Variants in TNFAIP3 observed in about 807,000 individuals in gnomAD.
TNFAIP3 encodes TNF alpha induced protein 3.
In TNFAIP3, 9 loss-of-function variants were observed where a neutral mutation model predicts 72.4. The ratio of observed to expected loss-of-function variants is 0.12; its 90% CI spans 0.07 to 0.22. The LOEUF (loss-of-function observed/expected upper bound fraction) is 0.22. Among genes scored for constraint, TNFAIP3 ranks in the 10% least tolerant of loss-of-function variants. The probability of loss-of-function intolerance (pLI) is 1.00; values close to 1 mark genes in which losing one functional copy is unlikely to be tolerated. For synonymous variants in TNFAIP3, 339 were observed against 372.6 expected, an observed-to-expected ratio of 0.91 and a Z score of 1.04; for missense variants, 833 against 1,018.7, an observed-to-expected ratio of 0.82 and a Z score of 2.48.
chr6:137,870,796 T>C (rs1776032757), intron 1 of TNFAIP3, among the ~76,000 whole-genome samples: 1 of 152,126 alleles, frequency 6.6e-6, no homozygotes, highest in South Asian at 2.1e-4. Flanking sequence ...CAGGGCTACT[T>C]TGAGCCCTTA....
At position 137,875,784 on chromosome 6, in the gene TNFAIP3, C is replaced by T; in HGVS notation, c.583C>T (p.His195Tyr). 2 of 1,614,160 alleles carry T rather than the reference C, an allele frequency of 1.2e-6. No individual in the cohort carries two copies. Among genetic ancestry groups the T allele is most frequent in the Non-Finnish European group, 1.7e-6 (2 of 1,180,020 alleles). Reference protein sequence around the residue: ...GLQYNSLEEIHIFVLCNILRR... With the variant: ...GLQYNSLEEIYIFVLCNILRR... ...TCAGTACAACTCACTGGAAGAAATACACATATTTGTCCTTTGCAACATCCT... is the reference window on the plus strand; with the variant it reads ...TCAGTACAACTCACTGGAAGAAATATACATATTTGTCCTTTGCAACATCCT... Residue 195 changes from histidine to tyrosine, a missense_variant, in exon 4 of 9, where the codon CAC (histidine) becomes TAC (tyrosine). This residue lies in a region of TNFAIP3 where 246 missense variants were observed against 360.9 expected (regional missense o/e 0.68). Transcript: ENST00000612899.
rs1776354654 is a variant in TNFAIP3, at chr6:137,879,123, C to T, written c.1678C>T (p.His560Tyr). The change falls in exon 7 of 9, where the codon CAC (histidine) becomes TAC (tyrosine). Residue 560 changes from histidine to tyrosine, a missense_variant. His to Tyr is a moderately conservative substitution (Grantham distance 83). This residue lies in a region of TNFAIP3 where 587 missense variants were observed against 657.8 expected (regional missense o/e 0.89). Coordinates refer to ENST00000612899, the MANE Select transcript of TNFAIP3 (RefSeq NM_001270508.2). Reference protein sequence around the residue: ...SLSTSLPPSCHQRSKSDPSRL... With the variant: ...SLSTSLPPSCYQRSKSDPSRL... ...CAGCACCAGCCTCCCTCCTTCCTGTCACCAGCGTTCCAAGTCAGATCCCTC... is the reference window on the plus strand; with the variant it reads ...CAGCACCAGCCTCCCTCCTTCCTGTTACCAGCGTTCCAAGTCAGATCCCTC... The T allele has an allele frequency of 1.2e-6, 2 of 1,614,176 alleles. No individual in the cohort carries two copies. The highest frequency in any genetic ancestry group is 1.7e-6 in the Non-Finnish European group (2 of 1,180,032).
intron 6 of TNFAIP3, 148 bp downstream of exon 6, chr6:137,877,404 T>A: frequency 1.7e-6 from 1 of 590,386 alleles, no homozygotes; most frequent in Non-Finnish European, 2.8e-6. Flanking sequence ...GTCTTGTGCA[T>A]GGTTAGAGAG....
chr6:137,872,056 C>T (rs1776081562), intron 2 of TNFAIP3, among the ~76,000 whole-genome samples: 2 of 152,186 alleles, frequency 1.3e-5, no homozygotes. Flanking sequence ...GACCTAGGTT[C>T]TATTGCCTAT....
rs766489165 is a variant in TNFAIP3 at position 137,867,979 on chromosome 6, G to C, written c.-16+437G>C. 6.5e-6 allele frequency: 1 copy of C among 152,814 alleles called. No individual in the cohort carries two copies. Among genetic ancestry groups the C allele is most frequent in the African/African-American group, 2.4e-5 (1 of 41,414 alleles). The allele number at this position is 152,814 out of a possible 1,614,324, so 9.5% of individuals were successfully genotyped here. On this transcript the variant is annotated intron_variant, in intron 1 of 8. Transcript: ENST00000612899. The surrounding 1 kb of genome is among the most constrained non-coding windows in gnomAD (Gnocchi z 6.0). ...CAGGACCAGCCCGACGGGGCGTAGG[G>C]TACCGCAGTGGCCGCCAGCCCGGCG...
Position 137,882,925 on chromosome 6 carries a change from G to A in TNFAIP3, c.*1606G>A, listed in dbSNP as rs1776509602. The A allele has an allele frequency of 8.8e-6, 2 of 226,630 alleles. No homozygotes were observed. The highest frequency in any genetic ancestry group is 1.1e-4 in the Admixed American group (2 of 17,526). The allele number at this position is 226,630 out of a possible 1,614,324, so 14.0% of individuals were successfully genotyped here. On this transcript the variant is annotated 3_prime_UTR_variant, in exon 9 of 9. Transcript: ENST00000612899. ...CAGAGATAAAGGCTGCCATTTTGGGGGTCTGTACTTATGGCCTGAAAATAT... is the reference window on the plus strand; with the variant it reads ...CAGAGATAAAGGCTGCCATTTTGGGAGTCTGTACTTATGGCCTGAAAATAT...
chr6:137,879,191 T>G lies in TNFAIP3; in HGVS notation c.1746T>G (p.Ala582=). 1.9e-6 allele frequency: 3 copies of G among 1,614,080 alleles called. No homozygotes were observed. Among genetic ancestry groups the G allele is most frequent in the Non-Finnish European group, 2.5e-6 (3 of 1,180,014 alleles). ...RSPSPHSCHR[A]GNDAPAGCLS... ...CCTCCCCGCATTCTTGCCACAGAGC[T>G]GGAAACGACGCCCCTGCTGGCTGCC... The change falls in exon 7 of 9, where the codon GCT becomes GCG. Residue 582 remains alanine (A), a synonymous_variant. Transcript: ENST00000612899.
intron 5 of TNFAIP3, 48 bp from the exon 6 acceptor site, chr6:137,877,028 C>G (rs1229423796): frequency 7.2e-7 from 1 of 1,385,830 alleles, no homozygotes; most frequent in East Asian, 2.4e-5. Context: ...TACCTATGGC[C>G]TTGTTTAGTA....
At chr6:137,868,981 TAA>T (rs2307860) in intron 1 of TNFAIP3, among the ~76,000 whole-genome samples, 77,921 of 151,944 alleles carry the variant, frequency 0.51, 23,539 homozygotes, top group East Asian at 0.85. Flanking sequence ...AAGAGAAAAA[TAA>T]AAGAGTCAGG....
intron 3 of TNFAIP3, among the ~76,000 whole-genome samples, 187 bp downstream of exon 3, chr6:137,875,222 T>C (rs780620064): frequency 6.6e-6 from 1 of 152,186 alleles, no homozygotes; most frequent in Non-Finnish European, 1.5e-5. Flanking sequence ...TGCCCTGCTT[T>C]TGGTTAGCAG....
intron 2 of TNFAIP3, 75 bp from the exon 3 acceptor site, chr6:137,874,770 A>C: frequency 4.7e-6 from 7 of 1,479,408 alleles, no homozygotes; most frequent in Non-Finnish European, 6.4e-6. Flanking sequence ...GGGCTGGTTT[A>C]TTCTGAAAAC....
Position 137,871,159 on chromosome 6 carries a change from T to C in TNFAIP3, c.-15-54T>C, listed in dbSNP as rs2114455840. ...TTTCCTGCAGGCAGCTATAGAGGAG[T>C]CGTATTAAAGTCAGGCTAATAGAAT... On this transcript the variant is annotated intron_variant, in intron 1 of 8. Coordinates refer to ENST00000612899, the MANE Select transcript of TNFAIP3 (RefSeq NM_001270508.2). The surrounding 1 kb of genome is among the most constrained non-coding windows in gnomAD (Gnocchi z 4.2). 6.7e-7 allele frequency: 1 copy of C among 1,502,914 alleles called. No homozygotes were observed. The highest frequency in any genetic ancestry group is 8.9e-7 in the Non-Finnish European group (1 of 1,121,638). The allele number at this position is 1,502,914 out of a possible 1,614,324, so 93.1% of individuals were successfully genotyped here. A position where few individuals can be genotyped will look rare whatever the true frequency, so the allele number is the denominator to read the frequency against.
upstream of TNFAIP3, chr6:137,867,214 G>C (rs953605719): frequency 1.3e-5 from 2 of 152,086 alleles, no homozygotes; most frequent in African/African-American, 2.4e-5. This position sits in a 1 kb window ranked among gnomAD's most constrained non-coding sequence, Gnocchi z 6.0. Flanking sequence ...GGAAATCCCC[G>C]GGCCTACAAC....
intron 1 of TNFAIP3, among the ~76,000 whole-genome samples, chr6:137,869,401 AGAT>A (rs1336082152): frequency 7.0e-6 from 1 of 143,664 alleles, no homozygotes; most frequent in Non-Finnish European, 1.5e-5. Flanking sequence ...ACGGACGGAT[AGAT>A]GATATTGTGA....
chr6:137,877,728 T>C (rs1290312492), intron 6 of TNFAIP3, among the ~76,000 whole-genome samples: 1 of 152,202 alleles, frequency 6.6e-6, no homozygotes, highest in Non-Finnish European at 1.5e-5. Flanking sequence ...CACATGGAAA[T>C]GGGAGGAAAG....
In TNFAIP3 at chr6:137,882,620, A is replaced by G. The variant is rs1232862833; in HGVS notation, c.*1301A>G. ...GCCTCTGAGTGTCCTACCTCCTTGGAGATGAGATAGGGAAGGAGCAGGGAT... is the reference window on the plus strand; with the variant it reads ...GCCTCTGAGTGTCCTACCTCCTTGGGGATGAGATAGGGAAGGAGCAGGGAT... On this transcript the variant is annotated 3_prime_UTR_variant, in exon 9 of 9. Transcript: ENST00000612899. 1 of 232,852 alleles carries G rather than the reference A, an allele frequency of 4.3e-6. No homozygotes were observed. The highest frequency in any genetic ancestry group is 2.2e-5 in the African/African-American group (1 of 45,320). The allele number at this position is 232,852 out of a possible 1,614,324, so 14.4% of individuals were successfully genotyped here.
intron 5 of TNFAIP3, 139 bp from the exon 6 acceptor site, chr6:137,876,937 C>T (rs1001717392): frequency 1.6e-6 from 1 of 627,174 alleles, no homozygotes; most frequent in Non-Finnish European, 2.5e-6. Context: ...TTTGTTTTCC[C>T]ATTTGGGTTT....
In TNFAIP3 at chr6:137,871,563, G is replaced by A. The variant is rs1314089343; in HGVS notation, c.295+41G>A. 1.3e-6 allele frequency: 2 copies of A among 1,591,080 alleles called. No individual in the cohort carries two copies. Among genetic ancestry groups the A allele is most frequent in the Admixed American group, 3.5e-5 (2 of 57,700 alleles). On this transcript the variant is annotated intron_variant, in intron 2 of 8. Transcript: ENST00000612899. The surrounding 1 kb of genome is among the most constrained non-coding windows in gnomAD (Gnocchi z 4.2). Reference sequence around the variant, plus strand: ...TTGTGTTTCTTTTGCCTGGGTGATAGCTCCCGCCTGCTGGATCCCCATTCA... The same window carrying A: ...TTGTGTTTCTTTTGCCTGGGTGATAACTCCCGCCTGCTGGATCCCCATTCA...
rs751944525 is a variant in TNFAIP3, at chr6:137,875,019, T to C, written c.470T>C (p.Leu157Pro). 11 of 1,614,162 alleles carry C rather than the reference T, an allele frequency of 6.8e-6. No homozygotes were observed. Among genetic ancestry groups the C allele is most frequent in the Non-Finnish European group, 9.3e-6 (11 of 1,180,028 alleles). Residue 157 changes from leucine to proline, a missense_variant, in exon 3 of 9, where the codon CTT becomes CCT. Transcript: ENST00000612899. The stretch of plus-strand genomic sequence containing the variant: ...TCTCAGGAATTTGTTGAAACGGGGC[T>C]TTGCTATGATACTCGGGTAGGTTTT... ...LKSQEFVETG[L>P]CYDTRNWNDE...
Sources: gnomAD v4.1 joint callset for allele counts (sites outside exome capture counted in the v4.1 genomes callset) on GRCh38, gnomAD v4.1.1 for gene constraint, gnomAD v4.1.1 regional missense constraint, Gnocchi (gnomAD v3.1) non-coding constraint, MANE v1.5 for transcripts, NCBI Gene and HGNC (gene_info 2026-07-23, HGNC 2026-07-21) for gene names.